Variants in PAK1 observed in about 807,000 individuals in gnomAD.
The protein encoded by PAK1 is p21 (RAC1) activated kinase 1.
A neutral mutation model predicts 67.4 loss-of-function variants in PAK1; 29 were observed. The ratio of observed to expected loss-of-function variants is 0.43; its 90% confidence interval spans 0.32 to 0.59. The LOEUF (loss-of-function observed/expected upper bound fraction) is 0.59, where lower values mean the gene tolerates loss of function less well. Ranked by LOEUF, PAK1 falls within the 20% of genes least tolerant of loss-of-function variation. The probability of loss-of-function intolerance (pLI) is 0.07; values close to 1 mark genes in which losing one functional copy is unlikely to be tolerated. For missense variants in PAK1, 337 were observed against 670.7 expected (o/e 0.50, Z 5.50); for synonymous variants, 223 against 237.4 (o/e 0.94, Z 0.56).
At chr11:77,375,547 G>A (rs955937605) in intron 4 of PAK1, among the ~76,000 whole-genome samples, 2 of 152,130 alleles carry the variant, frequency 1.3e-5, no homozygotes, top group Non-Finnish European at 2.9e-5. Context: ...TCACATTAAC[G>A]TCTCTGAAAC....
At chr11:77,490,486 G>T in the PAK1 span, among the ~76,000 whole-genome samples, 2 of 145,628 alleles carry the variant, frequency 1.4e-5, no homozygotes, top group Non-Finnish European at 3.0e-5. Flanking sequence ...CCGGCCAGCC[G>T]CCCCGTCCGG....
intron 1 of PAK1, among the ~76,000 whole-genome samples, chr11:77,471,459 G>A (rs1425624777): frequency 6.6e-6 from 1 of 152,198 alleles, no homozygotes; most frequent in Non-Finnish European, 1.5e-5. Context: ...ATGAGCCAGA[G>A]GATGGAAGAG....
chr11:77,523,935 A>G, the PAK1 span, among the ~76,000 whole-genome samples: 1 of 152,162 alleles, frequency 6.6e-6, no homozygotes. Context: ...GGACATCAAC[A>G]ACAGCAAATC....
the PAK1 span, among the ~76,000 whole-genome samples, chr11:77,500,756 A>G: frequency 6.6e-6 from 1 of 152,252 alleles, no homozygotes; most frequent in African/African-American, 2.4e-5. Context: ...AGGCAGGAGG[A>G]TTGCTTGAGC....
At chr11:77,499,710 A>G in the PAK1 span, among the ~76,000 whole-genome samples, 1 of 152,166 alleles carries the variant, frequency 6.6e-6, no homozygotes, top group Admixed American at 6.5e-5. Context: ...GTCTGTCCCA[A>G]CAGTCAGGGA....
the PAK1 span, among the ~76,000 whole-genome samples, chr11:77,480,528 T>G: frequency 1.3e-5 from 2 of 149,422 alleles, no homozygotes; most frequent in East Asian, 1.9e-4. Context: ...ATGGTTTTTT[T>G]TTTTTTTTTT....
chr11:77,462,052 C>T (rs1957370604), intron 1 of PAK1, among the ~76,000 whole-genome samples: 1 of 152,140 alleles, frequency 6.6e-6, no homozygotes, highest in African/African-American at 2.4e-5. Context: ...TTTCGCCGGG[C>T]GCTGTGGCTC....
the PAK1 span, among the ~76,000 whole-genome samples, chr11:77,504,167 A>C: frequency 7.5e-3 from 1,141 of 152,346 alleles, 16 homozygotes; most frequent in African/African-American, 0.026. Flanking sequence ...TGCTGGGATT[A>C]TAGGCGTGAG....
the PAK1 span, among the ~76,000 whole-genome samples, chr11:77,486,573 C>T: frequency 1.3e-5 from 2 of 152,194 alleles, no homozygotes; most frequent in Non-Finnish European, 2.9e-5. Context: ...GACACCACCC[C>T]TCTTCCATCC....
chr11:77,327,088 A>G (rs943373820), intron 14 of PAK1, among the ~76,000 whole-genome samples: 11 of 152,330 alleles, frequency 7.2e-5, no homozygotes, highest in African/African-American at 2.4e-4. Context: ...TAGAGAAAAA[A>G]GAATAAAAAG....
chr11:77,442,644 G>C (rs965196946), intron 1 of PAK1, among the ~76,000 whole-genome samples: 1 of 152,142 alleles, frequency 6.6e-6, no homozygotes, highest in Admixed American at 6.5e-5. Flanking sequence ...ACCCAGCCCA[G>C]CCACTCTAAG....
rs1048523 is a variant in PAK1 at position 77,355,729 on chromosome 11, C to T, written c.711G>A (p.Arg237=). The stretch of plus-strand genomic sequence containing the variant: ...GCTTCTTCTTCTGCTTCTCAGTATT[C>T]CGGGTCAAAGCATCTGGTGGAGTGG... ...NNTTPPDALT[R]NTEKQKKKPK... Residue 237 remains arginine (R), a synonymous_variant, in exon 7 of 15, where the codon CGG becomes CGA. Coordinates refer to ENST00000356341, the MANE Select transcript of PAK1 (RefSeq NM_002576.5). The T allele has an allele frequency of 6.2e-7, 1 of 1,613,562 alleles. No individual in the cohort carries two copies. The highest frequency in any genetic ancestry group is 8.5e-7 in the Non-Finnish European group (1 of 1,179,546).
chr11:77,517,277 A>G, the PAK1 span, among the ~76,000 whole-genome samples: 2 of 152,152 alleles, frequency 1.3e-5, no homozygotes, highest in Non-Finnish European at 2.9e-5. Context: ...CCAGGAGAGA[A>G]TTTTAATGTG....
the PAK1 span, among the ~76,000 whole-genome samples, chr11:77,511,251 C>T: frequency 6.6e-6 from 1 of 152,156 alleles, no homozygotes; most frequent in Admixed American, 6.5e-5. Context: ...TAGCTCACTT[C>T]TGCCATCAGG....
intron 1 of PAK1, among the ~76,000 whole-genome samples, chr11:77,446,277 C>A (rs1274464819): frequency 6.6e-6 from 1 of 152,024 alleles, no homozygotes; most frequent in Non-Finnish European, 1.5e-5. Context: ...TTTGGGAGGC[C>A]GAGGTGGGTG....
intron 1 of PAK1, among the ~76,000 whole-genome samples, chr11:77,459,690 C>CTTTTT (rs755731892): frequency 7.4e-6 from 1 of 134,562 alleles, no homozygotes; most frequent in Non-Finnish European, 1.6e-5. Flanking sequence ...TCTTCTTCTT[C>CTTTTT]TTTTTTTTTT....
intron 1 of PAK1, among the ~76,000 whole-genome samples, chr11:77,436,183 A>T (rs1301607891): frequency 6.6e-6 from 1 of 152,176 alleles, no homozygotes; most frequent in Non-Finnish European, 1.5e-5. Flanking sequence ...AGGGAGAGTA[A>T]GGTTTCCCTG....
intron 1 of PAK1, among the ~76,000 whole-genome samples, chr11:77,404,914 A>G (rs572845994): frequency 2.0e-5 from 3 of 152,366 alleles, no homozygotes; most frequent in African/African-American, 7.2e-5. Flanking sequence ...ATGGTCTAGT[A>G]AGAGATGCAG....
At chr11:77,370,680 T>C (rs2844336) in intron 5 of PAK1, among the ~76,000 whole-genome samples, 59,044 of 152,112 alleles carry the variant, frequency 0.39, 11,752 homozygotes, top group South Asian at 0.52. Flanking sequence ...AGTTGATTTA[T>C]GTCATGCTTT....
Sources: gnomAD v4.1 joint callset for allele counts (sites outside exome capture counted in the v4.1 genomes callset) on GRCh38, gnomAD v4.1.1 for gene constraint, MANE v1.5 for transcripts, NCBI Gene and HGNC (gene_info 2026-07-23, HGNC 2026-07-21) for gene names.